The following PCDHGA1 variants were observed in gnomAD, a reference collection of about 807,000 sequenced individuals.
The protein encoded by PCDHGA1 is protocadherin gamma subfamily A, 1.
PCDHGA1 carries 32 observed loss-of-function variants against 58.0 expected under a neutral mutation model. That is an observed-to-expected ratio of 0.55 (90% CI 0.42 to 0.74). The LOEUF (loss-of-function observed/expected upper bound fraction) is 0.74, where lower values mean the gene tolerates loss of function less well. PCDHGA1 is among the 30% of genes least tolerant of loss of function. The probability of loss-of-function intolerance (pLI) is 0.00; values close to 1 mark genes in which losing one functional copy is unlikely to be tolerated. For synonymous variants in PCDHGA1, 498 were observed against 501.1 expected (o/e 0.99, Z 0.08); for missense variants, 1,205 against 1,182.3 (o/e 1.02, Z -0.28).
At position 141,487,748 on chromosome 5, in the gene PCDHGA1, T is replaced by C. The variant is rs1458153935; in HGVS notation, c.2422-7059T>C. On this transcript the variant is annotated intron_variant, in intron 1 of 3. Coordinates refer to ENST00000517417, the MANE Select transcript of PCDHGA1 (RefSeq NM_018912.3). The surrounding 1 kb of genome is among the most constrained non-coding windows in gnomAD (Gnocchi z 5.0). ...TGTCACCATTTTTGTAAGAGGTAAC[T>C]ATGTGGTAGACGCTGTGCTTTGTAA... 1 of 1,557,436 alleles carries C rather than the reference T, an allele frequency of 6.4e-7. No individual in the cohort carries two copies. Among genetic ancestry groups the C allele is most frequent in the Non-Finnish European group, 8.7e-7 (1 of 1,149,514 alleles).
At chr5:141,333,670 A>G (rs1040682210) in intron 1 of PCDHGA1, 4 of 154,542 alleles carry the variant, frequency 2.6e-5, no homozygotes, top group African/African-American at 9.7e-5. Context: ...ATTATTGTTG[A>G]ATATTTTAGC....
At chr5:141,400,392 A>C (rs2094014497) in intron 1 of PCDHGA1, 1 of 1,613,942 alleles carries the variant, frequency 6.2e-7, no homozygotes, top group Admixed American at 1.7e-5. Context: ...TTGCACATAC[A>C]GGAAAGACGG....
At chr5:141,402,826 G>A (rs776479870) in intron 1 of PCDHGA1, 37 of 1,328,842 alleles carry the variant, frequency 2.8e-5, no homozygotes, top group Middle Eastern at 2.7e-4. Flanking sequence ...CCTGCTCCCA[G>A]GCTGCAGCAA....
At chr5:141,364,994 C>A (rs1469218354) in intron 1 of PCDHGA1, 1 of 1,613,924 alleles carries the variant, frequency 6.2e-7, no homozygotes, top group South Asian at 1.1e-5. Context: ...AGACCCGGTA[C>A]TCTCCGGCAC....
intron 1 of PCDHGA1, chr5:141,341,099 G>A (rs763381960): frequency 6.2e-7 from 1 of 1,614,104 alleles, no homozygotes; most frequent in Non-Finnish European, 8.5e-7. Context: ...CTTCGTCATC[G>A]TGTTGCTGGC....
At chr5:141,375,234 G>C (rs371683670) in intron 1 of PCDHGA1, 16 of 1,613,840 alleles carry the variant, frequency 9.9e-6, no homozygotes, top group African/African-American at 1.3e-5. Context: ...CTGGTAACCT[G>C]TTCCATCCCG....
chr5:141,421,715 T>G (rs756472123), intron 1 of PCDHGA1: 1 of 1,613,960 alleles, frequency 6.2e-7, no homozygotes, highest in Admixed American at 1.7e-5. Context: ...GATCCAGATG[T>G]GGGCGTGAAC....
intron 1 of PCDHGA1, chr5:141,365,387 ACC>A (rs1763882130): frequency 6.2e-7 from 1 of 1,613,814 alleles, no homozygotes; most frequent in African/African-American, 1.3e-5. Context: ...CACCTCTCTG[ACC>A]AGTTCGATCT....
At position 141,470,874 on chromosome 5, in the gene PCDHGA1, T is replaced by G. The variant is rs146599745; in HGVS notation, c.2422-23933T>G. ...AGATAAGTTTTTTGTTTGTTTGTTT[T>G]TTTGTTTTTGTTTTTGTTTTTTGTA... On this transcript the variant is annotated intron_variant, in intron 1 of 3. Coordinates refer to ENST00000517417, the MANE Select transcript of PCDHGA1 (RefSeq NM_018912.3). 1.4e-3 allele frequency among the ~76,000 whole-genome samples: 218 copies of G among 151,820 alleles called. 1 individual carries two copies. Among genetic ancestry groups the G allele is most frequent in the Middle Eastern group, 0.01 (3 of 294 alleles).
rs540403118 is a variant in PCDHGA1, at chr5:141,365,112, T to C, written c.2421+32007T>C. The C allele has an allele frequency of 6.2e-6, 10 of 1,613,770 alleles. No individual in the cohort carries two copies. The highest frequency in any genetic ancestry group is 7.6e-6 in the Non-Finnish European group (9 of 1,179,884). On this transcript the variant is annotated intron_variant, in intron 1 of 3. Coordinates refer to ENST00000517417, the MANE Select transcript of PCDHGA1 (RefSeq NM_018912.3). ...GAGAACATACCTGTGGGCACTCGGC[T>C]GCTCATGCTAACCGCCACGGATCCA...
chr5:141,349,323 G>A (rs1758275565), intron 1 of PCDHGA1, among the ~76,000 whole-genome samples: 1 of 152,058 alleles, frequency 6.6e-6, no homozygotes, highest in Non-Finnish European at 1.5e-5. Context: ...TCCCACCTTG[G>A]CCTCCCAAAG....
At chr5:141,408,714 A>G (rs771519650) in intron 1 of PCDHGA1, 8 of 1,612,346 alleles carry the variant, frequency 5.0e-6, no homozygotes, top group Non-Finnish European at 6.8e-6. Context: ...AAAGATTATA[A>G]GATAAACTCT....
chr5:141,473,186 T>C (rs984810414), intron 1 of PCDHGA1, among the ~76,000 whole-genome samples: 1 of 152,134 alleles, frequency 6.6e-6, no homozygotes, highest in African/African-American at 2.4e-5. Flanking sequence ...CTTGAAGGAG[T>C]AAATGTATCT....
chr5:141,385,404 G>C, intron 1 of PCDHGA1: 1 of 1,482,648 alleles, frequency 6.7e-7, no homozygotes, highest in Non-Finnish European at 8.9e-7. Context: ...CAAATGTTTT[G>C]AAAATAGGGA....
At chr5:141,402,930 G>A (rs1260331134) in intron 1 of PCDHGA1, 1 of 1,584,094 alleles carries the variant, frequency 6.3e-7, no homozygotes, top group Non-Finnish European at 8.6e-7. Flanking sequence ...ATCCTTTTGA[G>A]AAAATTCCAA....
chr5:141,344,859 C>T, intron 1 of PCDHGA1: 8 of 1,613,906 alleles, frequency 5.0e-6, no homozygotes, highest in Non-Finnish European at 6.8e-6. Flanking sequence ...ATTCAATGCT[C>T]AAGTGTCTTA....
chr5:141,351,719 A>G (rs1758798899), intron 1 of PCDHGA1: 1 of 1,613,794 alleles, frequency 6.2e-7, no homozygotes, highest in Non-Finnish European at 8.5e-7. Flanking sequence ...CTCCTACTCT[A>G]TTCTGGCCAG....
chr5:141,394,622 G>A (rs1472873845), intron 1 of PCDHGA1: 32 of 1,613,496 alleles, frequency 2.0e-5, no homozygotes, highest in Non-Finnish European at 2.6e-5. Flanking sequence ...AGAACGCCTG[G>A]CTGTCCTACC....
At chr5:141,356,094 T>C (rs1196881298) in intron 1 of PCDHGA1, 1 of 1,613,784 alleles carries the variant, frequency 6.2e-7, no homozygotes, top group South Asian at 1.1e-5. Flanking sequence ...ATTCTCTGAG[T>C]GGGGATATAA....
Sources: allele counts gnomAD v4.1 joint callset (sites outside exome capture counted in the v4.1 genomes callset), GRCh38; gene constraint gnomAD v4.1.1; non-coding constraint Gnocchi (gnomAD v3.1); transcripts MANE v1.5; gene names NCBI Gene and HGNC (gene_info 2026-07-23, HGNC 2026-07-21).